The following CTNND2 variants were observed in gnomAD, a reference collection of about 807,000 sequenced individuals.
CTNND2 encodes catenin delta 2.
CTNND2 carries 22 observed loss-of-function variants against 144.4 expected under a neutral mutation model. The ratio of observed to expected loss-of-function variants is 0.15; its 90% CI spans 0.11 to 0.22. CTNND2 has a LOEUF of 0.22. Ranked by LOEUF, CTNND2 falls within the 10% of genes least tolerant of loss-of-function variation. CTNND2 has a pLI of 1.00. For synonymous variants in CTNND2, 751 were observed against 695.6 expected (o/e 1.08, Z -1.25); for missense variants, 1,353 against 1,618.8 (o/e 0.84, Z 2.82).
chr5:11,842,516 G>A (rs1022118243), intron 1 of CTNND2, among the ~76,000 whole-genome samples: 78 of 151,960 alleles, frequency 5.1e-4, no homozygotes, highest in East Asian at 1.6e-3. Flanking sequence ...TCAGGAGATC[G>A]AGACCATCCT....
At chr5:11,444,464 G>A (rs1474405071) in intron 3 of CTNND2, among the ~76,000 whole-genome samples, 1 of 152,198 alleles carries the variant, frequency 6.6e-6, no homozygotes, top group East Asian at 1.9e-4. Context: ...ACTGGTGGCT[G>A]TTAAGAGGAA....
intron 1 of CTNND2, among the ~76,000 whole-genome samples, chr5:11,887,145 A>G (rs578049387): frequency 1.6e-4 from 24 of 151,858 alleles, no homozygotes; most frequent in Non-Finnish European, 2.2e-4. Flanking sequence ...CGCCACGCCC[A>G]GCTAATTTTT....
intron 1 of CTNND2, among the ~76,000 whole-genome samples, chr5:11,805,788 T>G (rs1330103239): frequency 6.6e-6 from 1 of 152,120 alleles, no homozygotes; most frequent in African/African-American, 2.4e-5. Flanking sequence ...CCTTAAAAAG[T>G]AGAGTATATT....
chr5:11,881,788 T>G (rs1056141727), intron 1 of CTNND2, among the ~76,000 whole-genome samples: 2 of 152,118 alleles, frequency 1.3e-5, no homozygotes, highest in Non-Finnish European at 2.9e-5. Context: ...GGTATTTTTA[T>G]CTGTAGTTTT....
At position 11,865,835 on chromosome 5, in the gene CTNND2, CT is replaced by C. The variant is rs534722077; in HGVS notation, c.37+37981del. ...AAAGTACTCAGCCTGTTGACACGGT[CT>C]TTGAACATGGAGGAAGGAGCCACAA... is the stretch of plus-strand genomic sequence containing the variant. On this transcript the variant is annotated intron_variant, in intron 1 of 21. Coordinates refer to ENST00000304623, the MANE Select transcript of CTNND2 (RefSeq NM_001332.4). Among the ~76,000 whole-genome samples the C allele has an allele frequency of 4.3e-3, 575 of 135,188 alleles. 5 individuals are homozygous for C. Among genetic ancestry groups the C allele is most frequent in the African/African-American group, 0.014 (534 of 37,496 alleles). The allele number at this position is 135,188 out of a possible 152,430, so 88.7% of individuals were successfully genotyped here.
At chr5:11,335,755 T>G (rs1029650464) in intron 9 of CTNND2, among the ~76,000 whole-genome samples, 3 of 152,154 alleles carry the variant, frequency 2.0e-5, no homozygotes, top group African/African-American at 7.2e-5. Flanking sequence ...CCTACTCCCT[T>G]TGCAAATTCC....
intron 7 of CTNND2, among the ~76,000 whole-genome samples, chr5:11,369,091 C>A (rs1757227523): frequency 6.6e-6 from 1 of 152,042 alleles, no homozygotes; most frequent in African/African-American, 2.4e-5. Flanking sequence ...TAAATAACAA[C>A]CATTTTTCTG....
At chr5:11,756,536 T>C (rs1289023880) in intron 1 of CTNND2, among the ~76,000 whole-genome samples, 2 of 151,666 alleles carry the variant, frequency 1.3e-5, no homozygotes, top group Non-Finnish European at 1.5e-5. Flanking sequence ...GCAGTCATAT[T>C]TTATGGGTAT....
intron 11 of CTNND2, among the ~76,000 whole-genome samples, chr5:11,194,810 C>G (rs1736687562): frequency 1.3e-5 from 2 of 152,078 alleles, no homozygotes; most frequent in African/African-American, 4.8e-5. Context: ...ATCTTACATT[C>G]ATAAAACAAA....
intron 3 of CTNND2, among the ~76,000 whole-genome samples, chr5:11,438,375 T>C (rs1433019408): frequency 6.6e-6 from 1 of 152,194 alleles, no homozygotes. Context: ...GTCGTGATTA[T>C]AGAATCAACG....
At chr5:11,547,998 G>A (rs1482732395) in intron 3 of CTNND2, among the ~76,000 whole-genome samples, 1 of 152,114 alleles carries the variant, frequency 6.6e-6, no homozygotes, top group Non-Finnish European at 1.5e-5. Flanking sequence ...ATGTTCTCAG[G>A]AGAAAGTGTA....
At chr5:11,721,536 A>C (rs1412174829) in intron 2 of CTNND2, among the ~76,000 whole-genome samples, 1 of 152,232 alleles carries the variant, frequency 6.6e-6, no homozygotes, top group Non-Finnish European at 1.5e-5. Context: ...TTGAAATTAC[A>C]ACCACCATCT....
intron 3 of CTNND2, among the ~76,000 whole-genome samples, chr5:11,465,698 A>G (rs959314118): frequency 2.0e-5 from 3 of 152,208 alleles, no homozygotes; most frequent in Non-Finnish European, 4.4e-5. Context: ...TATTAAAACC[A>G]TCATGGTGAC....
At chr5:11,696,815 T>C (rs750278872) in intron 2 of CTNND2, among the ~76,000 whole-genome samples, 21 of 152,188 alleles carry the variant, frequency 1.4e-4, no homozygotes, top group Non-Finnish European at 1.8e-4. Context: ...TGCTGCATAA[T>C]AGCTGAAAAT....
chr5:11,421,047 C>T (rs1762324133), intron 3 of CTNND2, among the ~76,000 whole-genome samples: 1 of 152,126 alleles, frequency 6.6e-6, no homozygotes, highest in Non-Finnish European at 1.5e-5. Flanking sequence ...GCTCCCACTT[C>T]TGACCAAACT....
chr5:11,214,359 C>T (rs928564716), intron 10 of CTNND2, among the ~76,000 whole-genome samples: 1 of 151,798 alleles, frequency 6.6e-6, no homozygotes, highest in East Asian at 1.9e-4. Flanking sequence ...ATATAAATAC[C>T]TTTGTTTGTA....
At chr5:11,567,652 A>T (rs1013367244) in intron 2 of CTNND2, among the ~76,000 whole-genome samples, 1 of 152,188 alleles carries the variant, frequency 6.6e-6, no homozygotes, top group African/African-American at 2.4e-5. Flanking sequence ...TTTATATCAG[A>T]CACTGATGAA....
At chr5:11,309,698 GA>G (rs1750600395) in intron 9 of CTNND2, among the ~76,000 whole-genome samples, 1 of 152,152 alleles carries the variant, frequency 6.6e-6, no homozygotes, top group Non-Finnish European at 1.5e-5. Context: ...TGCTATGTGA[GA>G]AGGACATGAG....
intron 1 of CTNND2, among the ~76,000 whole-genome samples, chr5:11,847,303 G>A (rs79790662): frequency 0.014 from 2,059 of 151,212 alleles, 40 homozygotes; most frequent in African/African-American, 0.045. Flanking sequence ...AATACTATTC[G>A]GCCATAAAAC....
Sources: gnomAD v4.1 joint callset for allele counts (sites outside exome capture counted in the v4.1 genomes callset) on GRCh38, gnomAD v4.1.1 for gene constraint, MANE v1.5 for transcripts, NCBI Gene and HGNC (gene_info 2026-07-23, HGNC 2026-07-21) for gene names.